Variants in LRRC43 observed in about 807,000 individuals in gnomAD.
LRRC43 encodes leucine-rich repeat-containing protein 43.
Under a neutral mutation model 64.3 loss-of-function variants are expected in LRRC43, and 62 were observed. That is an observed-to-expected ratio of 0.96 (90% CI 0.79 to 1.19). The LOEUF (loss-of-function observed/expected upper bound fraction) is 1.19, where lower values mean the gene tolerates loss of function less well. Among genes scored for constraint, LRRC43 ranks in the 50% most tolerant of loss-of-function variants. The pLI, the probability that LRRC43 is intolerant of heterozygous loss-of-function variation, is 0.00. For missense variants in LRRC43, 868 were observed against 845.0 expected, an observed-to-expected ratio of 1.03 and a Z score of -0.34; for synonymous variants, 422 against 382.3, an observed-to-expected ratio of 1.10 and a Z score of -1.21.
rs184399723 is a variant in LRRC43, at chr12:122,186,249, C to A, written c.471C>A (p.Ser157Arg). Reference sequence around the variant, plus strand: ...TAAAGCTGGAGGAGTTGGTACTGAGCGCCAATCGAATCAAGGAGGTGGATG... The same window carrying A: ...TAAAGCTGGAGGAGTTGGTACTGAGAGCCAATCGAATCAAGGAGGTGGATG... ...KFLKLEELVL[S>R]ANRIKEVDAT... The change falls in exon 3 of 12, where the codon AGC becomes AGA. Residue 157 changes from serine to arginine, a missense_variant. Physicochemically the swap from Ser to Arg is moderately radical, Grantham distance 110. Coordinates refer to ENST00000339777, the MANE Select transcript of LRRC43 (RefSeq NM_001098519.2). 5 of 1,606,436 alleles carry A rather than the reference C, an allele frequency of 3.1e-6. No homozygotes were observed. Among genetic ancestry groups the A allele is most frequent in the Non-Finnish European group, 3.4e-6 (4 of 1,176,782 alleles).
chr12:122,190,233 C>A lies in LRRC43; in HGVS notation c.766C>A (p.Gln256Lys), dbSNP rs11060094. ...CCGGCACCTGCGACTCCTGGTGCTG[C>A]AGGGAAACCCACTGGCCTTGGTGCC... ...TLRHLRLLVL[Q>K]GNPLALVPYY... is the part of the protein sequence containing the mutation. Residue 256 changes from glutamine to lysine, a missense_variant, in exon 5 of 12, where the codon CAG (glutamine) becomes AAG (lysine). Gln to Lys is a moderately conservative substitution (Grantham distance 53). Coordinates refer to ENST00000339777, the MANE Select transcript of LRRC43 (RefSeq NM_001098519.2). The A allele has an allele frequency of 0.19, 313,720 of 1,614,056 alleles. 32,249 individuals carry two copies. The highest frequency in any genetic ancestry group is 0.24 in the Admixed American group (14,455 of 60,020).
At chr12:122,169,584 C>T (rs936326033) in intron 1 of LRRC43, among the ~76,000 whole-genome samples, 6 of 151,644 alleles carry the variant, frequency 4.0e-5, no homozygotes, top group Admixed American at 6.6e-5. Context: ...GGCGTGGTGG[C>T]GGGCGCCTGT....
chr12:122,183,327 T>C (rs1009775917), intron 1 of LRRC43, 33 bp downstream of exon 1: 1 of 1,422,578 alleles, frequency 7.0e-7, no homozygotes, highest in Non-Finnish European at 9.1e-7. Context: ...TCTGGGGGCC[T>C]GGACCGGCTG....
At chr12:122,190,020 T>A in intron 4 of LRRC43, 110 bp from the exon 5 acceptor site, 1 of 910,626 alleles carries the variant, frequency 1.1e-6, no homozygotes, top group Non-Finnish European at 1.8e-6. Context: ...GTGCAGGCCG[T>A]GGATGGGCAG....
Position 122,200,760 on chromosome 12 carries a change from G to A in LRRC43, c.1635G>A (p.Leu545=), listed in dbSNP as rs572665679. 8.7e-6 allele frequency: 14 copies of A among 1,612,822 alleles called. No homozygotes were observed. In the African/African-American group the frequency reaches 1.3e-4, roughly 15 times the overall value. Residue 545 remains leucine (L), a synonymous_variant, in exon 10 of 12, where the codon CTG becomes CTA. Coordinates refer to ENST00000339777, the MANE Select transcript of LRRC43 (RefSeq NM_001098519.2). The surrounding 1 kb of genome is among the most constrained non-coding windows in gnomAD (Gnocchi z 4.6). ...CGTCGTCGCAGGAGTGGAAGGTGCT[G>A]AAGAAGAAGAAAGAGCCGCCCAAGG... ...EKEPAKEWKV[L]KKKKEPPKEL...
chr12:122,183,786 C>G (rs1202449543), intron 1 of LRRC43, among the ~76,000 whole-genome samples: 6 of 152,110 alleles, frequency 3.9e-5, no homozygotes, highest in African/African-American at 1.4e-4. Context: ...CGAGGGGCGC[C>G]CAGGTGTGGC....
At chr12:122,169,715 CAAAAA>C (rs1156784202) in intron 1 of LRRC43, among the ~76,000 whole-genome samples, 3 of 49,426 alleles carry the variant, frequency 6.1e-5, no homozygotes, top group Non-Finnish European at 8.7e-5. Flanking sequence ...GACTCCGTCT[CAAAAA>C]AAAAAAAAAA....
intron 6 of LRRC43, among the ~76,000 whole-genome samples, chr12:122,192,349 G>A (rs1953728110): frequency 6.6e-6 from 1 of 151,654 alleles, no homozygotes; most frequent in Non-Finnish European, 1.5e-5. Context: ...TGTTAGCCAG[G>A]ATGGCCTGGA....
chr12:122,172,685 G>A (rs760288474), intron 1 of LRRC43: 7 of 1,613,984 alleles, frequency 4.3e-6, no homozygotes, highest in East Asian at 4.5e-5. Context: ...GGGCGTCAGG[G>A]CTGAGACACG....
intron 1 of LRRC43, chr12:122,174,079 TG>T: frequency 6.2e-7 from 1 of 1,613,742 alleles, no homozygotes; most frequent in South Asian, 1.1e-5. Context: ...GAGCCAACCC[TG>T]GGGGTAGTGC....
Position 122,200,461 on chromosome 12 carries a change from G to A in LRRC43, c.1492-71G>A. ...GAGTTCTCAGCGCCATTCCAGAAAGGGTGAGGGAGAGGTGACCCCAGGCAG... is the reference window on the plus strand; with the variant it reads ...GAGTTCTCAGCGCCATTCCAGAAAGAGTGAGGGAGAGGTGACCCCAGGCAG... On this transcript the variant is annotated intron_variant, in intron 8 of 11. Transcript: ENST00000339777. The surrounding 1 kb of genome is among the most constrained non-coding windows in gnomAD (Gnocchi z 4.6). 1 of 1,611,562 alleles carries A rather than the reference G, an allele frequency of 6.2e-7. No homozygotes were observed. The highest frequency in any genetic ancestry group is 8.5e-7 in the Non-Finnish European group (1 of 1,178,094).
At chr12:122,172,782 G>A (rs1566002900) in intron 1 of LRRC43, 8 of 1,479,022 alleles carry the variant, frequency 5.4e-6, no homozygotes, top group Non-Finnish European at 7.4e-6. Flanking sequence ...GGTTTGCAAT[G>A]ACAGCTGCAA....
intron 1 of LRRC43, among the ~76,000 whole-genome samples, chr12:122,183,901 C>G (rs191334636): frequency 2.6e-5 from 4 of 152,020 alleles, no homozygotes; most frequent in Admixed American, 1.3e-4. Flanking sequence ...CCACCATGCC[C>G]GGCTAATTAT....
At chr12:122,199,854 G>A (rs1404915230) in intron 7 of LRRC43, among the ~76,000 whole-genome samples, 1 of 152,212 alleles carries the variant, frequency 6.6e-6, no homozygotes, top group Non-Finnish European at 1.5e-5. Flanking sequence ...AAAGTGCTGG[G>A]ATTAGAAGCC....
chr12:122,200,439 T>C lies in LRRC43; in HGVS notation c.1492-93T>C, dbSNP rs1953822887. 6.2e-7 allele frequency: 1 copy of C among 1,609,788 alleles called. No individual in the cohort carries two copies. Among genetic ancestry groups the C allele is most frequent in the Non-Finnish European group, 8.5e-7 (1 of 1,176,872 alleles). The stretch of plus-strand genomic sequence containing the variant: ...GAGCCGCACTCCCTGGTTAGATGAG[T>C]TCTCAGCGCCATTCCAGAAAGGGTG... On this transcript the variant is annotated intron_variant, in intron 8 of 11. Coordinates refer to ENST00000339777, the MANE Select transcript of LRRC43 (RefSeq NM_001098519.2). This position sits in a 1 kb window ranked among gnomAD's most constrained non-coding sequence, Gnocchi z 4.6.
chr12:122,171,709 A>C (rs10734935), intron 1 of LRRC43, among the ~76,000 whole-genome samples: 151,123 of 152,060 alleles, frequency 0.99, 75,099 homozygotes, highest in Middle Eastern at 1. Context: ...GCCACCGTGT[A>C]CCACCAGGGT....
intron 1 of LRRC43, among the ~76,000 whole-genome samples, chr12:122,175,392 C>A (rs999679176): frequency 6.6e-6 from 1 of 151,870 alleles, no homozygotes; most frequent in African/African-American, 2.4e-5. Context: ...TGGTCTCAAA[C>A]GCCTGACCTT....
At chr12:122,172,621 T>A (rs753561151) in intron 1 of LRRC43, 2 of 1,614,176 alleles carry the variant, frequency 1.2e-6, no homozygotes, top group East Asian at 2.2e-5. Context: ...TCTAGCTGTC[T>A]GATTGTCTTG....
intron 3 of LRRC43, among the ~76,000 whole-genome samples, chr12:122,186,613 T>C (rs922103762): frequency 3.3e-5 from 5 of 151,962 alleles, no homozygotes; most frequent in African/African-American, 1.2e-4. Context: ...AACAGATGAA[T>C]GGATAAACAA....
Sources: allele counts gnomAD v4.1 joint callset (sites outside exome capture counted in the v4.1 genomes callset), GRCh38; gene constraint gnomAD v4.1.1; non-coding constraint Gnocchi (gnomAD v3.1); transcripts MANE v1.5; gene names NCBI Gene and HGNC (gene_info 2026-07-23, HGNC 2026-07-21).